ABHD3: variants seen among roughly 807,000 people sequenced by gnomAD.
The protein encoded by ABHD3 is abhydrolase domain containing 3, phospholipase, also known as phospholipase ABHD3.
ABHD3 carries 46 observed loss-of-function variants against 48.8 expected under a neutral mutation model. The ratio of observed to expected loss-of-function variants is 0.94; its 90% CI spans 0.74 to 1.20. ABHD3 has a LOEUF of 1.20. Ranked by LOEUF, ABHD3 falls within the 50% of genes most tolerant of loss-of-function variation. The pLI is 0.00. For missense variants in ABHD3, 490 were observed against 497.8 expected, an observed-to-expected ratio of 0.98 and a Z score of 0.15; for synonymous variants, 192 against 183.7, an observed-to-expected ratio of 1.04 and a Z score of -0.36.
intron 6 of ABHD3, among the ~76,000 whole-genome samples, chr18:21,657,602 G>A (rs1347110642): frequency 1.3e-5 from 2 of 151,470 alleles, no homozygotes; most frequent in Admixed American, 1.3e-4. Context: ...CACCCTCCTC[G>A]GCCTCCCAAA....
At position 21,704,764 on chromosome 18, in the gene ABHD3, C is replaced by T. The variant is rs2040603710; in HGVS notation, c.-99G>A. On this transcript the variant is annotated 5_prime_UTR_variant, in exon 1 of 9. Coordinates refer to ENST00000289119, the MANE Select transcript of ABHD3 (RefSeq NM_138340.5). ...GCGGACGCGGCGCCGCTGCCTACTC[C>T]CGACCACAGTGTCTCCTGCCTGGCG... 1 of 1,146,012 alleles carries T rather than the reference C, an allele frequency of 8.7e-7. No homozygotes were observed. The highest frequency in any genetic ancestry group is 1.1e-6 in the Non-Finnish European group (1 of 882,786). 71.0% of individuals were successfully genotyped at this position (1,146,012 alleles called of 1,614,324 possible). A position where few individuals can be genotyped will look rare whatever the true frequency, so the allele number is the denominator to read the frequency against.
chr18:21,691,100 AG>A (rs2040242619), intron 3 of ABHD3, among the ~76,000 whole-genome samples: 2 of 152,296 alleles, frequency 1.3e-5, no homozygotes, highest in East Asian at 3.9e-4. Flanking sequence ...GTGTAAATAA[AG>A]ATATATCACA....
chr18:21,666,090 G>A (rs1191598283), intron 4 of ABHD3, among the ~76,000 whole-genome samples: 4 of 151,846 alleles, frequency 2.6e-5, no homozygotes, highest in East Asian at 1.9e-4. Context: ...GGGGTGCAGT[G>A]GCACAATCTC....
intron 5 of ABHD3, chr18:21,662,274 T>G (rs2039519358): frequency 1.3e-5 from 2 of 152,024 alleles, no homozygotes; most frequent in African/African-American, 2.4e-5. Context: ...CCGGCTAATT[T>G]CTGCATTTTT....
chr18:21,689,345 T>TC (rs1386788677), intron 3 of ABHD3, among the ~76,000 whole-genome samples: 1 of 151,972 alleles, frequency 6.6e-6, no homozygotes, highest in Non-Finnish European at 1.5e-5. Flanking sequence ...GGTCAGGAGT[T>TC]CGAGACCAGC....
chr18:21,699,802 C>T (rs1411599285), intron 3 of ABHD3, among the ~76,000 whole-genome samples: 3 of 151,852 alleles, frequency 2.0e-5, no homozygotes, highest in South Asian at 2.1e-4. Flanking sequence ...CTCAGCCTCC[C>T]GAGTAACTGG....
At chr18:21,653,776 C>G (rs1307064106) in intron 8 of ABHD3, among the ~76,000 whole-genome samples, 2 of 147,238 alleles carry the variant, frequency 1.4e-5, no homozygotes, top group Non-Finnish European at 1.5e-5. Flanking sequence ...GTGGCATGCA[C>G]TTGTAGTCCT....
chr18:21,655,848 C>CA (rs954112946), intron 8 of ABHD3, among the ~76,000 whole-genome samples: 12 of 147,144 alleles, frequency 8.2e-5, no homozygotes, highest in South Asian at 6.5e-4. Flanking sequence ...AAAAAACAAA[C>CA]AAAAAAAAGG....
At chr18:21,680,993 GT>G (rs1158206681) in intron 4 of ABHD3, among the ~76,000 whole-genome samples, 2 of 151,880 alleles carry the variant, frequency 1.3e-5, no homozygotes, top group Non-Finnish European at 2.9e-5. Flanking sequence ...CTCCCAAAGT[GT>G]TGGGATTGCA....
intron 8 of ABHD3, among the ~76,000 whole-genome samples, 177 bp from the exon 9 acceptor site, chr18:21,651,940 C>T (rs1220101039): frequency 1.3e-5 from 2 of 152,108 alleles, no homozygotes; most frequent in African/African-American, 4.8e-5. Context: ...TACCTTATAT[C>T]AACTATATTC....
chr18:21,676,552 A>T (rs2039886732), intron 4 of ABHD3, among the ~76,000 whole-genome samples: 1 of 152,264 alleles, frequency 6.6e-6, no homozygotes, highest in Admixed American at 6.5e-5. Context: ...CACCACACCC[A>T]GCTAATTTTT....
At chr18:21,675,609 C>T (rs1408187594) in intron 4 of ABHD3, among the ~76,000 whole-genome samples, 2 of 151,946 alleles carry the variant, frequency 1.3e-5, no homozygotes, top group African/African-American at 4.8e-5. Context: ...ATTTGTGGAC[C>T]TCTGAAGTAG....
At chr18:21,658,168 G>T (rs951760635) in intron 6 of ABHD3, among the ~76,000 whole-genome samples, 5 of 151,938 alleles carry the variant, frequency 3.3e-5, no homozygotes, top group African/African-American at 1.2e-4. Context: ...CTGCACTCAA[G>T]CCTGGGCAAT....
chr18:21,671,966 T>G (rs1202433758), intron 4 of ABHD3, among the ~76,000 whole-genome samples: 1 of 152,060 alleles, frequency 6.6e-6, no homozygotes, highest in Non-Finnish European at 1.5e-5. Context: ...CTGAAAGAGG[T>G]TAGTTTTAAA....
chr18:21,666,350 C>T (rs1292632030), intron 4 of ABHD3, among the ~76,000 whole-genome samples: 4 of 152,170 alleles, frequency 2.6e-5, no homozygotes, highest in East Asian at 1.9e-4. Context: ...CGTACCACCA[C>T]GCCTGGCTAA....
At chr18:21,670,232 G>C (rs1035309909) in intron 4 of ABHD3, among the ~76,000 whole-genome samples, 3 of 151,640 alleles carry the variant, frequency 2.0e-5, no homozygotes. Context: ...CCCAGTCACA[G>C]AGATGCAGGA....
chr18:21,651,487 T>C lies in ABHD3; in HGVS notation c.*104A>G. On this transcript the variant is annotated 3_prime_UTR_variant, in exon 9 of 9. Transcript: ENST00000289119. ...ATATCATTCTGGACCTCTTCACCCA[T>C]CTGCTGGCTTATTTGCTTTATATAC... The C allele has an allele frequency of 2.2e-6, 3 of 1,347,592 alleles. No individual in the cohort carries two copies. The South Asian group carries it at 4.2e-5, about 19-fold the overall frequency. 83.5% of individuals were successfully genotyped at this position (1,347,592 alleles called of 1,614,324 possible). A position where few individuals can be genotyped will look rare whatever the true frequency, so the allele number is the denominator to read the frequency against.
At chr18:21,663,713 G>A (rs79060477) in intron 5 of ABHD3, 411 of 1,535,606 alleles carry the variant, frequency 2.7e-4, no homozygotes, top group Non-Finnish European at 3.4e-4. Context: ...ACTGCAGCTG[G>A]AGAGAGCAAT....
chr18:21,702,726 A>G (rs1399477980), intron 2 of ABHD3, among the ~76,000 whole-genome samples: 1 of 152,212 alleles, frequency 6.6e-6, no homozygotes, highest in Non-Finnish European at 1.5e-5. Context: ...GGTCGTATAT[A>G]AAAATGAACT....
Sources: allele counts gnomAD v4.1 joint callset (sites outside exome capture counted in the v4.1 genomes callset), GRCh38; gene constraint gnomAD v4.1.1; transcripts MANE v1.5; gene names NCBI Gene and HGNC (gene_info 2026-07-23, HGNC 2026-07-21).